Variants in CACFD1 observed in about 807,000 individuals in gnomAD.
CACFD1 encodes the protein calcium channel flower homolog.
CACFD1 carries 26 observed loss-of-function variants against 21.3 expected under a neutral mutation model. The ratio of observed to expected loss-of-function variants is 1.22; its 90% CI spans 0.89 to 1.69. The LOEUF is 1.69. Ranked by LOEUF, CACFD1 falls within the 40% of genes most tolerant of loss-of-function variation. CACFD1 has a pLI of 0.00. For missense variants in CACFD1, 265 were observed against 236.2 expected (o/e 1.12, Z -0.80); for synonymous variants, 121 against 106.6 (o/e 1.13, Z -0.83).
chr9:133,470,765 G>A lies in CACFD1; in HGVS notation c.*2112G>A, dbSNP rs983626249. ...AATAAAGCGTGGCCGTGGCTCGCGT[G>A]CCTGCCCTCTGCTCCCTTCTGCCTT... On this transcript the variant is annotated 3_prime_UTR_variant, in exon 5 of 5. Transcript: ENST00000316948. 6.5e-5 allele frequency: 10 copies of A among 152,778 alleles called. No individual in the cohort carries two copies. The highest frequency in any genetic ancestry group is 2.2e-4 in the African/African-American group (9 of 41,588). The allele number at this position is 152,778 out of a possible 1,614,324, so 9.5% of individuals were successfully genotyped here.
rs187556999 is a variant in CACFD1, at chr9:133,461,854, A to G, written c.122-1629A>G. 16 of 985,276 alleles carry G rather than the reference A, an allele frequency of 1.6e-5. No homozygotes were observed. The East Asian group carries it at 1.5e-3, about 91-fold the overall frequency. The allele number at this position is 985,276 out of a possible 1,614,324, so 61.0% of individuals were successfully genotyped here. On this transcript the variant is annotated intron_variant, in intron 1 of 4. Coordinates refer to ENST00000316948, the MANE Select transcript of CACFD1 (RefSeq NM_017586.5). ...ATGCAGGGTGTTTTAGAGATGCGGC[A>G]GGAGTTCAGACAAGGGTTGTGTGCC...
chr9:133,468,689 T>A lies in CACFD1; in HGVS notation c.*36T>A. On this transcript the variant is annotated 3_prime_UTR_variant, in exon 5 of 5. Coordinates refer to ENST00000316948, the MANE Select transcript of CACFD1 (RefSeq NM_017586.5). Reference sequence around the variant, plus strand: ...GCCCCTCCCTCCCTGTCCCCTCTTCTGGCTCTGTGTGGGTCCAAGTGAGGC... The same window carrying A: ...GCCCCTCCCTCCCTGTCCCCTCTTCAGGCTCTGTGTGGGTCCAAGTGAGGC... 1 of 1,536,772 alleles carries A rather than the reference T, an allele frequency of 6.5e-7. No individual in the cohort carries two copies. The highest frequency in any genetic ancestry group is 8.7e-7 in the Non-Finnish European group (1 of 1,143,160).
At position 133,469,671 on chromosome 9, in the gene CACFD1, G is replaced by A. The variant is rs1843597734; in HGVS notation, c.*1018G>A. 1 of 152,366 alleles carries A rather than the reference G, an allele frequency of 6.6e-6. No individual in the cohort carries two copies. Among genetic ancestry groups the A allele is most frequent in the African/African-American group, 2.4e-5 (1 of 41,474 alleles). 9.4% of individuals were successfully genotyped at this position (152,366 alleles called of 1,614,324 possible). On this transcript the variant is annotated 3_prime_UTR_variant, in exon 5 of 5. Coordinates refer to ENST00000316948, the MANE Select transcript of CACFD1 (RefSeq NM_017586.5). ...GATGCAGAGAGCTGGTGCCCAGGAT[G>A]TGCACCCCCATATTCCCTCTGCCCT...
rs920824127 is a variant in CACFD1, at chr9:133,470,751, G to C, written c.*2098G>C. ...TGTGCGTCTTAAGCAATAAAGCGTGGCCGTGGCTCGCGTGCCTGCCCTCTG... is the reference window on the plus strand; with the variant it reads ...TGTGCGTCTTAAGCAATAAAGCGTGCCCGTGGCTCGCGTGCCTGCCCTCTG... On this transcript the variant is annotated 3_prime_UTR_variant, in exon 5 of 5. Coordinates refer to ENST00000316948, the MANE Select transcript of CACFD1 (RefSeq NM_017586.5). 1.3e-5 allele frequency: 2 copies of C among 152,478 alleles called. No homozygotes were observed. Among genetic ancestry groups the C allele is most frequent in the African/African-American group, 4.8e-5 (2 of 41,458 alleles). 9.4% of individuals were successfully genotyped at this position (152,478 alleles called of 1,614,324 possible).
chr9:133,470,650 CG>C lies in CACFD1; in HGVS notation c.*1999del, dbSNP rs1554801053. 6.6e-6 allele frequency: 1 copy of C among 152,514 alleles called. No individual in the cohort carries two copies. The highest frequency in any genetic ancestry group is 1.5e-5 in the Non-Finnish European group (1 of 68,256). The allele number at this position is 152,514 out of a possible 1,614,324, so 9.4% of individuals were successfully genotyped here. A position where few individuals can be genotyped will look rare whatever the true frequency, so the allele number is the denominator to read the frequency against. The stretch of plus-strand genomic sequence containing the variant: ...CCTGCCTTGCAAGGAACGTCTCTTC[CG>C]GCGGCTGGGCCGCTCCTGCCTGGTC... On this transcript the variant is annotated 3_prime_UTR_variant, in exon 5 of 5. Coordinates refer to ENST00000316948, the MANE Select transcript of CACFD1 (RefSeq NM_017586.5).
intron 2 of CACFD1, 56 bp downstream of exon 2, chr9:133,463,611 G>C: frequency 6.4e-7 from 1 of 1,574,210 alleles, no homozygotes; most frequent in Non-Finnish European, 8.7e-7. Flanking sequence ...GAATCTGCTG[G>C]GCACCTCCCG....
At chr9:133,464,068 C>T (rs587680174) in intron 2 of CACFD1, among the ~76,000 whole-genome samples, 2 of 152,208 alleles carry the variant, frequency 1.3e-5, no homozygotes, top group Non-Finnish European at 2.9e-5. Context: ...GTCAGAACAC[C>T]CTCATGTGCG....
chr9:133,467,959 C>T lies in CACFD1; in HGVS notation c.359C>T (p.Thr120Ile), dbSNP rs781932010. 1.2e-5 allele frequency: 19 copies of T among 1,613,686 alleles called. No individual in the cohort carries two copies. In the African/African-American group the frequency reaches 2.4e-4, roughly 20 times the overall value. ...VVPIVISLTLTTLLGNAIAFA... is the reference protein window; with the variant it reads ...VVPIVISLTLITLLGNAIAFA... ...CCCATCGTCATCAGCCTGACCCTGA[C>T]CACGCTGCTGGGCAACGCCATCGCC... The change falls in exon 4 of 5, where the codon ACC (threonine) becomes ATC (isoleucine). Residue 120 changes from threonine to isoleucine, a missense_variant. Thr to Ile is a moderately conservative substitution (Grantham distance 89). Transcript: ENST00000316948.
At chr9:133,467,780 A>C (rs1265308576) in intron 3 of CACFD1, 141 bp from the exon 4 acceptor site, 1 of 627,802 alleles carries the variant, frequency 1.6e-6, no homozygotes, top group African/African-American at 1.8e-5. Context: ...GGACTTTCTG[A>C]AGCTGTGTCT....
intron 2 of CACFD1, among the ~76,000 whole-genome samples, chr9:133,464,477 G>C (rs987305667): frequency 1.3e-5 from 2 of 152,122 alleles, no homozygotes; most frequent in African/African-American, 4.8e-5. Context: ...GGCTCGGGGC[G>C]GGTGCAGTGG....
intron 1 of CACFD1, among the ~76,000 whole-genome samples, chr9:133,461,580 C>T (rs1269752136): frequency 6.6e-6 from 1 of 152,212 alleles, no homozygotes; most frequent in Non-Finnish European, 1.5e-5. Flanking sequence ...CTGTAGGCCA[C>T]ACCTCCTTCC....
Position 133,465,439 on chromosome 9 carries a change from C to T in CACFD1, c.312C>T (p.Phe104=). 1 of 1,610,600 alleles carries T rather than the reference C, an allele frequency of 6.2e-7. No homozygotes were observed. The highest frequency in any genetic ancestry group is 1.7e-5 in the Admixed American group (1 of 59,812). The part of the protein sequence containing the change: ...DRLRSWQKAV[F]YCGMAVVPIV... ...TGCGCTCCTGGCAGAAGGCTGTCTT[C>T]TACTGCGGGTGAGGGGTTGCTGGGC... The change falls in exon 3 of 5, where the codon TTC becomes TTT. Residue 104 remains phenylalanine, a synonymous_variant. Transcript: ENST00000316948. The surrounding 1 kb of genome is among the most constrained non-coding windows in gnomAD (Gnocchi z 5.0).
chr9:133,465,529 G>T lies in CACFD1; in HGVS notation c.320+82G>T. ...AATAGGACCCAAAAGTCAGGTGAGG[G>T]TGGGCAGTGTATTCAGTTCCTCTCT... On this transcript the variant is annotated intron_variant, in intron 3 of 4. Coordinates refer to ENST00000316948, the MANE Select transcript of CACFD1 (RefSeq NM_017586.5). The surrounding 1 kb of genome is among the most constrained non-coding windows in gnomAD (Gnocchi z 5.0). 3 of 1,377,676 alleles carry T rather than the reference G, an allele frequency of 2.2e-6. No individual in the cohort carries two copies. Among genetic ancestry groups the T allele is most frequent in the Non-Finnish European group, 3.0e-6 (3 of 995,884 alleles). The allele number at this position is 1,377,676 out of a possible 1,614,324, so 85.3% of individuals were successfully genotyped here. A position where few individuals can be genotyped will look rare whatever the true frequency, so the allele number is the denominator to read the frequency against.
chr9:133,464,488 T>C (rs912630096), intron 2 of CACFD1, among the ~76,000 whole-genome samples: 2 of 151,612 alleles, frequency 1.3e-5, no homozygotes, highest in East Asian at 3.9e-4. Context: ...GGTGCAGTGG[T>C]TAAGAGTTGT....
At chr9:133,466,492 A>G (rs587754028) in intron 3 of CACFD1, among the ~76,000 whole-genome samples, 1 of 152,308 alleles carries the variant, frequency 6.6e-6, no homozygotes, top group African/African-American at 2.4e-5. Context: ...ACTTTATAAC[A>G]TTCTTTCAAT....
Position 133,468,665 on chromosome 9 carries a change from CCCCT to C in CACFD1, c.*21_*24del. ...AGGGGGAGCTGTGAAGGGCTGGGCG[CCCCT>C]CCCTCCCTGTCCCCTCTTCTGGCTC... On this transcript the variant is annotated 3_prime_UTR_variant, in exon 5 of 5. Transcript: ENST00000316948. 6.4e-7 allele frequency: 1 copy of C among 1,557,996 alleles called. No individual in the cohort carries two copies. Among genetic ancestry groups the C allele is most frequent in the Non-Finnish European group, 8.7e-7 (1 of 1,153,680 alleles).
At position 133,465,793 on chromosome 9, in the gene CACFD1, A is replaced by G. The variant is rs1843412721; in HGVS notation, c.320+346A>G. ...CCAGATGATAGTAGGTCTGTAGGAC[A>G]TGTTTCTCTGCAGCCTTTCCGAAGA... On this transcript the variant is annotated intron_variant, in intron 3 of 4. Transcript: ENST00000316948. The surrounding 1 kb of genome is among the most constrained non-coding windows in gnomAD (Gnocchi z 5.0). 4 of 209,106 alleles carry G rather than the reference A, an allele frequency of 1.9e-5. No individual in the cohort carries two copies. Among genetic ancestry groups the G allele is most frequent in the Admixed American group, 1.1e-4 (2 of 18,934 alleles). 13.0% of individuals were successfully genotyped at this position (209,106 alleles called of 1,614,324 possible). A position where few individuals can be genotyped will look rare whatever the true frequency, so the allele number is the denominator to read the frequency against.
chr9:133,467,489 C>T (rs908206702), intron 3 of CACFD1, among the ~76,000 whole-genome samples: 1 of 152,218 alleles, frequency 6.6e-6, no homozygotes, highest in Non-Finnish European at 1.5e-5. Context: ...TGGTGGTCAG[C>T]ATTGTGTAGG....
At position 133,467,828 on chromosome 9, in the gene CACFD1, T is replaced by G. The variant is rs587670187; in HGVS notation, c.321-93T>G. 6.8e-6 allele frequency: 6 copies of G among 886,970 alleles called. No homozygotes were observed. The African/African-American group carries it at 9.8e-5, about 15-fold the overall frequency. The allele number at this position is 886,970 out of a possible 1,614,324, so 54.9% of individuals were successfully genotyped here. ...GGGGATCCTTCCTGTGCCCTGGGTG[T>G]CTAGGAAGGATGCTGGGCCGAGTCT... is the stretch of plus-strand genomic sequence containing the variant. On this transcript the variant is annotated intron_variant, in intron 3 of 4. Coordinates refer to ENST00000316948, the MANE Select transcript of CACFD1 (RefSeq NM_017586.5).
Sources: allele counts gnomAD v4.1 joint callset (sites outside exome capture counted in the v4.1 genomes callset), GRCh38; gene constraint gnomAD v4.1.1; non-coding constraint Gnocchi (gnomAD v3.1); transcripts MANE v1.5; gene names NCBI Gene and HGNC (gene_info 2026-07-23, HGNC 2026-07-21).